CENPE: variants seen among roughly 807,000 people sequenced by gnomAD.
CENPE encodes the protein centromere-associated protein E.
Under a neutral mutation model 336.1 loss-of-function variants are expected in CENPE, and 145 were observed. The observed-to-expected ratio is 0.43, with a 90% CI of 0.38 to 0.50. The LOEUF (loss-of-function observed/expected upper bound fraction) is 0.50, where lower values mean the gene tolerates loss of function less well. CENPE is among the 20% of genes least tolerant of loss of function. The pLI is 0.00. For synonymous variants in CENPE, 1,013 were observed against 984.8 expected (o/e 1.03, Z -0.54); for missense variants, 2,719 against 3,023.3 (o/e 0.90, Z 2.36).
rs1444660452 is a variant in CENPE at position 103,133,748 on chromosome 4, A to C, written c.6667T>G (p.Ser2223Ala). 1 of 1,611,212 alleles carries C rather than the reference A, an allele frequency of 6.2e-7. No homozygotes were observed. Among genetic ancestry groups the C allele is most frequent in the African/African-American group, 1.3e-5 (1 of 74,806 alleles). Reference sequence around the variant, plus strand: ...AATTTGAGATCCCTTAATTCTCTGGATGGTACATCACAATCTTGTTGAAGG... The same window carrying C: ...AATTTGAGATCCCTTAATTCTCTGGCTGGTACATCACAATCTTGTTGAAGG... ...QHLQQDCDVP[S>A]RELRDLKLNQ... is the part of the protein sequence containing the mutation. The change falls in exon 41 of 49, where the codon TCC (serine) becomes GCC (alanine). Residue 2223 changes from serine (S) to alanine (A), a missense_variant. Transcript: ENST00000265148.
Position 103,149,014 on chromosome 4 carries a change from T to G in CENPE, c.3688-15A>C, listed in dbSNP as rs750996381. 30 of 1,606,642 alleles carry G rather than the reference T, an allele frequency of 1.9e-5. 1 individual carries two copies. In the Admixed American group the frequency reaches 5.0e-4, roughly 27 times the overall value. ...GTTTGTAGGCCCTTGGCGAGTGAAA[T>G]TTAAAGAATATTGTAATATTCTTCC... On this transcript the variant is annotated splice_polypyrimidine_tract_variant and intron_variant, in intron 27 of 48. Transcript: ENST00000265148.
chr4:103,137,885 T>A (rs1483953116), intron 39 of CENPE, among the ~76,000 whole-genome samples: 1 of 152,118 alleles, frequency 6.6e-6, no homozygotes, highest in Non-Finnish European at 1.5e-5. Flanking sequence ...CGGTAAAAAT[T>A]CCCCAATGGA....
rs200636403 is a variant in CENPE at position 103,159,330 on chromosome 4, G to A, written c.2287-6C>T. ...TCTTCAGATTTGTCTTGTATCTATG[G>A]AAAAGAAATAAAATTTAGGGATGTT... On this transcript the variant is annotated splice_region_variant and splice_polypyrimidine_tract_variant and intron_variant, in intron 21 of 48. Transcript: ENST00000265148. 29 of 1,392,480 alleles carry A rather than the reference G, an allele frequency of 2.1e-5. No individual in the cohort carries two copies. The Admixed American group carries it at 2.7e-4, about 13-fold the overall frequency. 86.3% of individuals were successfully genotyped at this position (1,392,480 alleles called of 1,614,324 possible).
chr4:103,196,109 G>T, intron 3 of CENPE, 54 bp downstream of exon 3: 1 of 1,580,934 alleles, frequency 6.3e-7, no homozygotes, highest in Non-Finnish European at 8.7e-7. Context: ...ATGCATGCTT[G>T]TTGCACAGAC....
At chr4:103,112,497 T>C (rs951011601) in intron 46 of CENPE, among the ~76,000 whole-genome samples, 1 of 144,764 alleles carries the variant, frequency 6.9e-6, no homozygotes, top group East Asian at 2.0e-4. Context: ...AGTATACTTA[T>C]GTATACATGT....
At chr4:103,144,722 T>C in intron 32 of CENPE, 104 bp from the exon 33 acceptor site, 2 of 741,384 alleles carry the variant, frequency 2.7e-6, no homozygotes, top group Non-Finnish European at 4.3e-6. Context: ...TAATCTAATG[T>C]ATGTAGTACT....
chr4:103,153,338 G>A (rs1046940011), intron 24 of CENPE, 88 bp from the exon 25 acceptor site: 1 of 791,328 alleles, frequency 1.3e-6, no homozygotes, highest in Non-Finnish European at 2.0e-6. Flanking sequence ...CATCTATTAT[G>A]TGCCAGGTAC....
intron 9 of CENPE, among the ~76,000 whole-genome samples, chr4:103,184,498 T>A (rs1195678851): frequency 6.6e-6 from 1 of 152,188 alleles, no homozygotes; most frequent in East Asian, 1.9e-4. Flanking sequence ...TATATTGAAA[T>A]TTTTGAGCTA....
chr4:103,137,557 T>C (rs955179980), intron 39 of CENPE, among the ~76,000 whole-genome samples: 3 of 152,198 alleles, frequency 2.0e-5, no homozygotes, highest in Non-Finnish European at 4.4e-5. Context: ...AACTACGGTA[T>C]ACAGCAGCAT....
intron 2 of CENPE, 28 bp downstream of exon 2, chr4:103,196,731 G>GT (rs781473842): frequency 2.4e-4 from 247 of 1,031,248 alleles, no homozygotes; most frequent in Non-Finnish European, 3.4e-4. Context: ...GGATAACAAG[G>GT]TAACTTTTGA....
At position 103,196,263 on chromosome 4, in the gene CENPE, A is replaced by G. The variant is rs1231080668; in HGVS notation, c.149-11T>C. 8 of 1,558,892 alleles carry G rather than the reference A, an allele frequency of 5.1e-6. No individual in the cohort carries two copies. The highest frequency in any genetic ancestry group is 7.1e-6 in the Non-Finnish European group (8 of 1,131,696). On this transcript the variant is annotated splice_polypyrimidine_tract_variant and intron_variant, in intron 2 of 48. Transcript: ENST00000265148. ...CATGAAAGACACGATCTAAACAACA[A>G]CAACAACAACAACAACACAGAAGTT...
chr4:103,145,896 C>T lies in CENPE; in HGVS notation c.4346G>A (p.Arg1449Lys). Reference protein sequence around the residue: ...SVAKEKDDLQRLQEVLQSESD... With the variant: ...SVAKEKDDLQKLQEVLQSESD... ...TTCAGATTGAAGAACTTCTTGCAGC[C>T]TCTGTAGGTCATCTTTCTCCTTAGC... The change falls in exon 30 of 49, where the codon AGG becomes AAG. Residue 1449 changes from arginine (R) to lysine (K), a missense_variant. By Grantham distance (26) the Arg-to-Lys change is conservative. Coordinates refer to ENST00000265148, the MANE Select transcript of CENPE (RefSeq NM_001813.3). The T allele has an allele frequency of 1.2e-6, 2 of 1,613,740 alleles. No individual in the cohort carries two copies. Among genetic ancestry groups the T allele is most frequent in the Non-Finnish European group, 1.7e-6 (2 of 1,179,858 alleles).
At chr4:103,171,162 T>C (rs1030384816) in intron 16 of CENPE, among the ~76,000 whole-genome samples, 1 of 152,058 alleles carries the variant, frequency 6.6e-6, no homozygotes, top group Admixed American at 6.6e-5. Context: ...TAAACTGCAG[T>C]CTAGACCAAA....
chr4:103,120,152 A>G lies in CENPE; in HGVS notation c.7325T>C (p.Leu2442Pro). The G allele has an allele frequency of 6.3e-7, 1 of 1,590,076 alleles. No homozygotes were observed. The highest frequency in any genetic ancestry group is 8.5e-7 in the Non-Finnish European group (1 of 1,169,654). The change falls in exon 44 of 49, where the codon CTT becomes CCT. Residue 2442 changes from leucine to proline, a missense_variant. Physicochemically the swap from Leu to Pro is moderately conservative, Grantham distance 98 (BLOSUM62 -3). This residue lies in a region of CENPE where 2,437 missense variants were observed against 2,513.3 expected (regional missense o/e 0.97). Coordinates refer to ENST00000265148, the MANE Select transcript of CENPE (RefSeq NM_001813.3). ...TTATTTTTATGTTTAAGTTACCTGA[A>G]GTACTTGAATTGTCTCTTTTGTTTT... ...LEKTKETIQV[L>P]QDKVALGAKP...
intron 11 of CENPE, 174 bp from the exon 12 acceptor site, chr4:103,181,630 T>C: frequency 2.3e-6 from 1 of 440,278 alleles, no homozygotes; most frequent in Non-Finnish European, 4.0e-6. Context: ...GCTCTGTAAC[T>C]TATCCTGGGT....
At chr4:103,111,813 G>C (rs574886093) in intron 46 of CENPE, among the ~76,000 whole-genome samples, 32 of 152,030 alleles carry the variant, frequency 2.1e-4, no homozygotes, top group African/African-American at 7.5e-4. Context: ...GGAAGTTTAA[G>C]CTACAACAGG....
At chr4:103,116,796 AG>A in intron 44 of CENPE, 107 bp from the exon 45 acceptor site, 1 of 568,434 alleles carries the variant, frequency 1.8e-6, no homozygotes, top group Non-Finnish European at 3.1e-6. Flanking sequence ...ATTTTAAAAT[AG>A]CAAACAATTC....
intron 8 of CENPE, among the ~76,000 whole-genome samples, chr4:103,187,749 A>G (rs1355500091): frequency 3.9e-5 from 6 of 152,236 alleles, no homozygotes; most frequent in Admixed American, 3.3e-4. Flanking sequence ...ACTAACAAGC[A>G]AAATAATCAG....
At chr4:103,123,883 A>G (rs941926266) in intron 42 of CENPE, among the ~76,000 whole-genome samples, 1 of 152,220 alleles carries the variant, frequency 6.6e-6, no homozygotes, top group African/African-American at 2.4e-5. Flanking sequence ...GTCTAAGACT[A>G]TATCAAAATG....
Sources: allele counts gnomAD v4.1 joint callset (sites outside exome capture counted in the v4.1 genomes callset), GRCh38; gene constraint gnomAD v4.1.1; regional missense constraint gnomAD v4.1.1; transcripts MANE v1.5; gene names NCBI Gene and HGNC (gene_info 2026-07-23, HGNC 2026-07-21).